The following LNX1 variants were observed in gnomAD, a reference collection of about 807,000 sequenced individuals.
The protein encoded by LNX1 is ligand of numb-protein X 1, also known as E3 ubiquitin-protein ligase LNX.
In LNX1, 54 loss-of-function variants were observed where a neutral mutation model predicts 68.4. That is an observed-to-expected ratio of 0.79 (90% CI 0.63 to 0.99). The LOEUF (loss-of-function observed/expected upper bound fraction) is 0.99, where lower values mean the gene tolerates loss of function less well. Among genes scored for constraint, LNX1 ranks in the 50% least tolerant of loss-of-function variants. The pLI is 0.00. For synonymous variants in LNX1, 336 were observed against 350.0 expected (o/e 0.96, Z 0.45); for missense variants, 906 against 926.4 (o/e 0.98, Z 0.29).
At chr4:53,573,584 T>C (rs1482384423) in intron 2 of LNX1, 39 bp downstream of exon 2, 4 of 1,453,886 alleles carry the variant, frequency 2.8e-6, no homozygotes, top group Admixed American at 1.8e-5. Context: ...CTGTCCCGCT[T>C]GGGGGTGGGA....
In LNX1 at chr4:53,544,489, C is replaced by T. The variant is rs141847770; in HGVS notation, c.380+29134G>A. The stretch of plus-strand genomic sequence containing the variant: ...GATTACAGATGTGAGCCACCATGTC[C>T]GGCCTGAGAGGTGCTGATTTCTTTT... On this transcript the variant is annotated intron_variant, in intron 2 of 10. Transcript: ENST00000263925. Among the ~76,000 whole-genome samples the T allele has an allele frequency of 2.0e-3, 308 of 151,720 alleles. 3 individuals are homozygous for T. The highest frequency in any genetic ancestry group is 6.8e-3 in the African/African-American group (282 of 41,360).
At chr4:53,644,432 A>C (rs1218880974) in intron 1 of LNX1, among the ~76,000 whole-genome samples, 1 of 152,084 alleles carries the variant, frequency 6.6e-6, no homozygotes, top group African/African-American at 2.4e-5. Flanking sequence ...AAACAAAACA[A>C]ACAAAACCCC....
intron 2 of LNX1, among the ~76,000 whole-genome samples, chr4:53,562,722 A>G (rs1159522135): frequency 2.0e-5 from 3 of 152,224 alleles, no homozygotes; most frequent in African/African-American, 7.2e-5. Flanking sequence ...CGAGGTGATT[A>G]TAGTTAATAA....
At chr4:53,617,079 CAT>C (rs1192086906) in intron 1 of LNX1, among the ~76,000 whole-genome samples, 2 of 152,114 alleles carry the variant, frequency 1.3e-5, no homozygotes, top group African/African-American at 4.8e-5. Flanking sequence ...AGTTATAAAA[CAT>C]ATAAACTATA....
chr4:53,478,191 T>A (rs1300174477), intron 8 of LNX1, among the ~76,000 whole-genome samples: 1 of 152,208 alleles, frequency 6.6e-6, no homozygotes, highest in African/African-American at 2.4e-5. Context: ...CTAACCCATA[T>A]AATTGAATAA....
intron 2 of LNX1, among the ~76,000 whole-genome samples, chr4:53,572,059 C>CTG (rs1731203725): frequency 6.6e-6 from 1 of 152,190 alleles, no homozygotes; most frequent in African/African-American, 2.4e-5. Flanking sequence ...CAACACGGGA[C>CTG]TGTGGTGAGG....
chr4:53,555,635 C>T (rs1395987724), intron 2 of LNX1, among the ~76,000 whole-genome samples: 1 of 152,170 alleles, frequency 6.6e-6, no homozygotes, highest in Non-Finnish European at 1.5e-5. Flanking sequence ...ATGACAGTAC[C>T]TGAAATGTGT....
At chr4:53,636,556 A>G (rs1734489407) in intron 1 of LNX1, among the ~76,000 whole-genome samples, 1 of 152,174 alleles carries the variant, frequency 6.6e-6, no homozygotes. Context: ...AATGGAGATG[A>G]TAATGCCCAT....
intron 2 of LNX1, among the ~76,000 whole-genome samples, chr4:53,540,668 A>G (rs1026174816): frequency 7.3e-5 from 11 of 151,332 alleles, no homozygotes; most frequent in Admixed American, 2.0e-4. Context: ...GGCAACAAGC[A>G]AAGCTCTGTC....
intron 2 of LNX1, among the ~76,000 whole-genome samples, chr4:53,541,148 A>G (rs59215529): frequency 0.26 from 35,918 of 140,552 alleles, 5,097 homozygotes; most frequent in South Asian, 0.39. Flanking sequence ...AAAAAAAAAG[A>G]AAAAAAAAAA....
At chr4:53,537,007 T>C (rs1728422172) in intron 2 of LNX1, among the ~76,000 whole-genome samples, 1 of 152,258 alleles carries the variant, frequency 6.6e-6, no homozygotes, top group Admixed American at 6.5e-5. Flanking sequence ...AATCTACCTT[T>C]TTGTTTACTG....
At chr4:53,501,304 G>GGGT (rs60960129) in intron 4 of LNX1, among the ~76,000 whole-genome samples, 1 of 75,170 alleles carries the variant, frequency 1.3e-5, no homozygotes, top group African/African-American at 5.0e-5. Context: ...TTTTTTGGGG[G>GGGT]TGGGGGGACA....
At chr4:53,518,857 C>A (rs1308370393) in intron 2 of LNX1, among the ~76,000 whole-genome samples, 1 of 152,144 alleles carries the variant, frequency 6.6e-6, no homozygotes, top group Non-Finnish European at 1.5e-5. Context: ...TTTTTCATAA[C>A]CTTATATTCT....
chr4:53,583,327 G>C (rs1382437534), intron 1 of LNX1, among the ~76,000 whole-genome samples: 1 of 152,182 alleles, frequency 6.6e-6, no homozygotes, highest in African/African-American at 2.4e-5. Context: ...TAAGAACCTG[G>C]GTTGGAAGTT....
intron 9 of LNX1, among the ~76,000 whole-genome samples, chr4:53,472,676 C>CAAAAAA (rs1723287114): frequency 2.0e-5 from 1 of 49,280 alleles, no homozygotes; most frequent in African/African-American, 6.7e-5. Flanking sequence ...ACAACAACAA[C>CAAAAAA]AACAACAACA....
At chr4:53,567,700 T>A (rs1730799098) in intron 2 of LNX1, among the ~76,000 whole-genome samples, 1 of 152,086 alleles carries the variant, frequency 6.6e-6, no homozygotes, top group South Asian at 2.1e-4. Context: ...AATTGATGAA[T>A]CCAGGAGCTG....
chr4:53,618,593 C>T (rs1302577571), upstream of LNX1, among the ~76,000 whole-genome samples: 3 of 152,164 alleles, frequency 2.0e-5, no homozygotes, highest in African/African-American at 4.8e-5. Flanking sequence ...CACTAACCCT[C>T]GGATGTGCAC....
At chr4:53,617,547 A>G (rs1733725197), upstream of LNX1, 1 of 152,258 alleles carries the variant, frequency 6.6e-6, no homozygotes. Flanking sequence ...GCTTCATGAC[A>G]TGGATACTAC....
intron 2 of LNX1, among the ~76,000 whole-genome samples, chr4:53,561,480 C>T (rs536463051): frequency 6.6e-6 from 1 of 152,306 alleles, no homozygotes; most frequent in East Asian, 1.9e-4. Context: ...CCCACGTCAT[C>T]CTCCCAAAGT....
Sources: gnomAD v4.1 joint callset for allele counts (sites outside exome capture counted in the v4.1 genomes callset) on GRCh38, gnomAD v4.1.1 for gene constraint, MANE v1.5 for transcripts, NCBI Gene and HGNC (gene_info 2026-07-23, HGNC 2026-07-21) for gene names.